The following DMRT1 variants were observed in gnomAD, a reference collection of about 807,000 sequenced individuals.
DMRT1 encodes doublesex- and mab-3-related transcription factor 1.
DMRT1 carries 7 observed loss-of-function variants against 32.3 expected under a neutral mutation model. The observed-to-expected ratio is 0.22, with a 90% CI of 0.12 to 0.41. The LOEUF (loss-of-function observed/expected upper bound fraction) is 0.41. Among genes scored for constraint, DMRT1 ranks in the 10% least tolerant of loss-of-function variants. The pLI is 1.00. For missense variants in DMRT1, 625 were observed against 500.5 expected (o/e 1.25, Z -2.37); for synonymous variants, 278 against 206.1 (o/e 1.35, Z -2.99).
chr9:904,748 C>A (rs778009866), intron 3 of DMRT1, among the ~76,000 whole-genome samples: 16 of 152,122 alleles, frequency 1.1e-4, no homozygotes, highest in Non-Finnish European at 2.1e-4. Flanking sequence ...AGTTTGAGAC[C>A]AATCTCAGCA....
chr9:950,429 T>A (rs1819391651), intron 4 of DMRT1, among the ~76,000 whole-genome samples: 1 of 152,044 alleles, frequency 6.6e-6, no homozygotes, highest in Non-Finnish European at 1.5e-5. Flanking sequence ...TGAGTACAAA[T>A]TCTGGCTCTG....
At chr9:871,137 A>G (rs1816230142) in intron 2 of DMRT1, among the ~76,000 whole-genome samples, 1 of 151,716 alleles carries the variant, frequency 6.6e-6, no homozygotes, top group African/African-American at 2.4e-5. Flanking sequence ...TCTGGGCTCA[A>G]GCCATCATCC....
At chr9:942,362 C>G (rs965419799) in intron 4 of DMRT1, among the ~76,000 whole-genome samples, 3 of 152,192 alleles carry the variant, frequency 2.0e-5, no homozygotes, top group Non-Finnish European at 4.4e-5. Context: ...CAACCCCAAC[C>G]TCGCAGGTTT....
chr9:858,099 G>A (rs1190681111), intron 2 of DMRT1, among the ~76,000 whole-genome samples: 1 of 152,010 alleles, frequency 6.6e-6, no homozygotes, highest in Admixed American at 6.6e-5. Context: ...GTGTGCATGT[G>A]CCTTTTAATC....
intron 2 of DMRT1, among the ~76,000 whole-genome samples, chr9:882,585 A>T (rs1816773255): frequency 6.6e-6 from 1 of 152,006 alleles, no homozygotes; most frequent in Non-Finnish European, 1.5e-5. Context: ...CACACAATGG[A>T]TGGGCTTTGA....
intron 4 of DMRT1, among the ~76,000 whole-genome samples, chr9:958,458 C>G (rs1352649092): frequency 2.6e-5 from 4 of 152,172 alleles, no homozygotes; most frequent in Non-Finnish European, 5.9e-5. Flanking sequence ...CCTCCACCTC[C>G]TGGCTTCAAG....
chr9:884,604 T>C (rs73639464), intron 2 of DMRT1, among the ~76,000 whole-genome samples: 9,507 of 152,260 alleles, frequency 0.062, 582 homozygotes, highest in African/African-American at 0.16. Context: ...GATGCTTTTC[T>C]GAGTGGTTGG....
rs1820025252 is a variant in DMRT1, at chr9:968,992, T to C, written c.*853T>C. The C allele has an allele frequency of 6.5e-6, 1 of 152,684 alleles. No individual in the cohort carries two copies. Among genetic ancestry groups the C allele is most frequent in the Non-Finnish European group, 1.5e-5 (1 of 68,048 alleles). The allele number at this position is 152,684 out of a possible 1,614,324, so 9.5% of individuals were successfully genotyped here. ...AAAATTGCTATGGAGTACTTTGTTA[T>C]ATAACAGAAGCCATCCTGAAATGAA... On this transcript the variant is annotated 3_prime_UTR_variant, in exon 5 of 5. Transcript: ENST00000382276.
Position 899,948 on chromosome 9 carries a change from C to T in DMRT1, c.822+5753C>T, listed in dbSNP as rs1817508329. ...TGGCAGCACTGGCAGTTATTTCGTT[C>T]TTTCTGGTGGTTATGTGGTCTCCTC... On this transcript the variant is annotated intron_variant, in intron 3 of 4. Coordinates refer to ENST00000382276, the MANE Select transcript of DMRT1 (RefSeq NM_021951.3). 2.0e-5 allele frequency among the ~76,000 whole-genome samples: 3 copies of T among 152,298 alleles called. No homozygotes were observed. The South Asian group carries it at 6.2e-4, about 32-fold the overall frequency.
chr9:875,537 A>G (rs1201928665), intron 2 of DMRT1, among the ~76,000 whole-genome samples: 2 of 152,228 alleles, frequency 1.3e-5, no homozygotes, highest in Admixed American at 6.5e-5. Flanking sequence ...GGTGATCCAG[A>G]TGTACAAATT....
intron 3 of DMRT1, among the ~76,000 whole-genome samples, chr9:910,511 A>G (rs1817935189): frequency 6.6e-6 from 1 of 151,134 alleles, no homozygotes; most frequent in Admixed American, 6.7e-5. Flanking sequence ...AGTGACTGGT[A>G]TTTGGGATTT....
chr9:893,930 A>G lies in DMRT1; in HGVS notation c.557A>G (p.Gln186Arg). The change falls in exon 3 of 5, where the codon CAG becomes CGG. Residue 186 changes from glutamine (Q) to arginine (R), a missense_variant. Transcript: ENST00000382276. ...TAASEGRMVI[Q>R]DIPAVTSRGH... ...AATTTAGAGGGACGTATGGTCATCCAGGATATTCCTGCTGTCACCAGCAGA... is the reference window on the plus strand; with the variant it reads ...AATTTAGAGGGACGTATGGTCATCCGGGATATTCCTGCTGTCACCAGCAGA... 1.2e-6 allele frequency: 2 copies of G among 1,614,126 alleles called. No homozygotes were observed. The highest frequency in any genetic ancestry group is 1.7e-6 in the Non-Finnish European group (2 of 1,180,006).
At chr9:928,487 C>G (rs1365467905) in intron 4 of DMRT1, among the ~76,000 whole-genome samples, 2 of 152,260 alleles carry the variant, frequency 1.3e-5, no homozygotes, top group Non-Finnish European at 2.9e-5. Context: ...GTTGCAGTGT[C>G]TTCTTACTAG....
intron 2 of DMRT1, among the ~76,000 whole-genome samples, chr9:860,252 G>A (rs750478089): frequency 1.3e-5 from 2 of 152,144 alleles, no homozygotes; most frequent in African/African-American, 4.8e-5. Context: ...AGCCGAGATC[G>A]TGCCATTGTA....
At chr9:843,003 T>C (rs1838755009) in intron 1 of DMRT1, 1 of 152,192 alleles carries the variant, frequency 6.6e-6, no homozygotes. Flanking sequence ...CAGGGATCTC[T>C]AGCCCCGCTC....
At chr9:911,128 G>T (rs1386220234) in intron 3 of DMRT1, among the ~76,000 whole-genome samples, 1 of 152,106 alleles carries the variant, frequency 6.6e-6, no homozygotes, top group Non-Finnish European at 1.5e-5. Flanking sequence ...CAGGCCTTGG[G>T]TTGGTTAATT....
At chr9:843,870 T>G (rs1838794387) in intron 1 of DMRT1, among the ~76,000 whole-genome samples, 1 of 152,222 alleles carries the variant, frequency 6.6e-6, no homozygotes, top group South Asian at 2.1e-4. Context: ...GCGAGTGCAG[T>G]CATGAAAATA....
chr9:963,024 A>G (rs1456560777), intron 4 of DMRT1, among the ~76,000 whole-genome samples: 1 of 152,238 alleles, frequency 6.6e-6, no homozygotes, highest in Non-Finnish European at 1.5e-5. Context: ...TATGTTTTAC[A>G]TAAAATTTAG....
At chr9:909,324 T>C (rs542195843) in intron 3 of DMRT1, among the ~76,000 whole-genome samples, 1 of 152,302 alleles carries the variant, frequency 6.6e-6, no homozygotes, top group Admixed American at 6.5e-5. Flanking sequence ...TAAAATTTTT[T>C]TCTCAGCTGT....
Sources: gnomAD v4.1 joint callset for allele counts (sites outside exome capture counted in the v4.1 genomes callset) on GRCh38, gnomAD v4.1.1 for gene constraint, MANE v1.5 for transcripts, NCBI Gene and HGNC (gene_info 2026-07-23, HGNC 2026-07-21) for gene names.